The following MPP7 variants were observed in gnomAD, a reference collection of about 807,000 sequenced individuals.
The protein encoded by MPP7 is MAGUK p55 subfamily member 7.
A neutral mutation model predicts 76.5 loss-of-function variants in MPP7; 60 were observed. The observed-to-expected ratio is 0.78, with a 90% CI of 0.64 to 0.97. MPP7 has a LOEUF of 0.97. Among genes scored for constraint, MPP7 ranks in the 50% least tolerant of loss-of-function variants. The pLI is 0.00. For synonymous variants in MPP7, 237 were observed against 244.5 expected (o/e 0.97, Z 0.29); for missense variants, 641 against 694.0 (o/e 0.92, Z 0.86).
chr10:28,182,780 G>C (rs1395476878), intron 3 of MPP7, among the ~76,000 whole-genome samples: 1 of 152,118 alleles, frequency 6.6e-6, no homozygotes, highest in Non-Finnish European at 1.5e-5. Context: ...AAAATGTTAA[G>C]CAAAAGAGCA....
chr10:28,093,263 GTC>G (rs974580586), intron 11 of MPP7, among the ~76,000 whole-genome samples: 9 of 152,048 alleles, frequency 5.9e-5, no homozygotes, highest in Non-Finnish European at 2.9e-5. Flanking sequence ...TTGCTGTCAA[GTC>G]TCTACAAACT....
intron 2 of MPP7, among the ~76,000 whole-genome samples, chr10:28,219,562 A>G (rs999639004): frequency 6.6e-6 from 1 of 152,192 alleles, no homozygotes; most frequent in African/African-American, 2.4e-5. Context: ...ATGATAAAAA[A>G]AGATGTTCTC....
At chr10:28,133,582 C>T (rs1835261981) in intron 5 of MPP7, among the ~76,000 whole-genome samples, 1 of 152,180 alleles carries the variant, frequency 6.6e-6, no homozygotes, top group African/African-American at 2.4e-5. Flanking sequence ...CAAATAGTGT[C>T]TGTTTTAAAT....
At chr10:28,193,251 C>T (rs796863968) in intron 3 of MPP7, among the ~76,000 whole-genome samples, 2 of 144,480 alleles carry the variant, frequency 1.4e-5, no homozygotes, top group African/African-American at 2.6e-5. Flanking sequence ...CTCGCTCTGT[C>T]GCCCAGGCTG....
Position 28,224,052 on chromosome 10 carries a change from G to A in MPP7, c.37+14516C>T, listed in dbSNP as rs192857730. ...CTCTACTAAAAATACAAAAATTAGC[G>A]TACACGCCTATAATCCCAGCTACTC... On this transcript the variant is annotated intron_variant, in intron 2 of 16. Transcript: ENST00000683449. Among the ~76,000 whole-genome samples, 277 of 151,428 alleles carry A rather than the reference G, an allele frequency of 1.8e-3. 1 individual carries two copies. The highest frequency in any genetic ancestry group is 2.9e-3 in the Admixed American group (44 of 15,166).
chr10:28,075,152 GA>G (rs1320001478), intron 12 of MPP7, among the ~76,000 whole-genome samples: 1 of 152,068 alleles, frequency 6.6e-6, no homozygotes, highest in Non-Finnish European at 1.5e-5. Context: ...GATCTTGTGA[GA>G]ACTCACTATC....
chr10:28,068,789 T>G (rs1038895326), intron 13 of MPP7, among the ~76,000 whole-genome samples: 2 of 152,186 alleles, frequency 1.3e-5, no homozygotes, highest in African/African-American at 4.8e-5. Flanking sequence ...TGGAAAACAT[T>G]AGCACTTATT....
chr10:28,269,823 A>G (rs931331428), intron 1 of MPP7, among the ~76,000 whole-genome samples: 2 of 152,226 alleles, frequency 1.3e-5, no homozygotes, highest in Non-Finnish European at 2.9e-5. Context: ...CATAAAATTA[A>G]TAAGTAGTAC....
chr10:28,155,279 A>G (rs1836014335), intron 3 of MPP7, among the ~76,000 whole-genome samples: 1 of 152,140 alleles, frequency 6.6e-6, no homozygotes, highest in African/African-American at 2.4e-5. Context: ...TTAAGACTTT[A>G]TTCAGTAAAT....
chr10:28,317,345 T>C (rs750710968), intron 2 of MPP7, among the ~76,000 whole-genome samples: 3 of 152,030 alleles, frequency 2.0e-5, no homozygotes, highest in African/African-American at 4.8e-5. Context: ...CTGGGCAACA[T>C]AGGGAGAGCC....
At chr10:28,112,585 T>C (rs1266332972) in intron 11 of MPP7, among the ~76,000 whole-genome samples, 1 of 152,164 alleles carries the variant, frequency 6.6e-6, no homozygotes, top group South Asian at 2.1e-4. Flanking sequence ...ATCACTGATA[T>C]AACCACACAC....
intron 1 of MPP7, among the ~76,000 whole-genome samples, chr10:28,241,796 C>T (rs1406896791): frequency 1.3e-5 from 2 of 152,178 alleles, no homozygotes; most frequent in Admixed American, 6.5e-5. Context: ...TTACAACCCT[C>T]CTTTAAAAGG....
At chr10:28,076,080 C>G (rs1852470518) in intron 12 of MPP7, among the ~76,000 whole-genome samples, 1 of 152,098 alleles carries the variant, frequency 6.6e-6, no homozygotes, top group South Asian at 2.1e-4. Flanking sequence ...TCAAGTTAAC[C>G]AATAGAAGTT....
intron 13 of MPP7, among the ~76,000 whole-genome samples, chr10:28,061,213 CAGAT>C (rs1438476657): frequency 1.3e-5 from 2 of 150,916 alleles, no homozygotes; most frequent in Admixed American, 6.6e-5. Context: ...GGAAAGATAA[CAGAT>C]AGCAACCCTG....
At chr10:28,332,248 T>TGTGTGTGTGTGTGTGTGC (rs1834478037) in intron 1 of MPP7, among the ~76,000 whole-genome samples, 1 of 143,508 alleles carries the variant, frequency 7.0e-6, no homozygotes, top group African/African-American at 2.6e-5. Context: ...AATGTATGCG[T>TGTGTGTGTGTGTGTGTGC]GTGTGTGTGT....
chr10:28,265,098 A>G (rs1840105059), intron 1 of MPP7, among the ~76,000 whole-genome samples: 2 of 152,208 alleles, frequency 1.3e-5, no homozygotes, highest in Admixed American at 6.5e-5. Context: ...AAAAGAGACA[A>G]GAGATAGGTC....
chr10:28,247,641 T>C (rs148216405), intron 1 of MPP7, among the ~76,000 whole-genome samples: 1 of 152,362 alleles, frequency 6.6e-6, no homozygotes, highest in Non-Finnish European at 1.5e-5. Flanking sequence ...TTTCCATTCT[T>C]CTAGCATATT....
chr10:28,248,941 C>T (rs183506457), intron 1 of MPP7, among the ~76,000 whole-genome samples: 5 of 152,206 alleles, frequency 3.3e-5, no homozygotes, highest in East Asian at 1.9e-4. Flanking sequence ...GTCTCCCTGT[C>T]GTTAAGCAAC....
At chr10:28,214,581 A>G (rs1838247581) in intron 2 of MPP7, among the ~76,000 whole-genome samples, 1 of 152,186 alleles carries the variant, frequency 6.6e-6, no homozygotes, top group Non-Finnish European at 1.5e-5. Context: ...GAAGGGCTGG[A>G]GATGCCGTGA....
Sources: gnomAD v4.1 joint callset for allele counts (sites outside exome capture counted in the v4.1 genomes callset) on GRCh38, gnomAD v4.1.1 for gene constraint, MANE v1.5 for transcripts, NCBI Gene and HGNC (gene_info 2026-07-23, HGNC 2026-07-21) for gene names.